The following VPS45 variants were observed in gnomAD, a reference collection of about 807,000 sequenced individuals.
The protein encoded by VPS45 is vacuolar protein sorting 45 homolog, also known as vacuolar protein sorting-associated protein 45.
Under a neutral mutation model 75.9 loss-of-function variants are expected in VPS45, and 35 were observed. The ratio of observed to expected loss-of-function variants is 0.46; its 90% CI spans 0.35 to 0.61. VPS45 has a LOEUF of 0.61. VPS45 is among the 20% of genes least tolerant of loss of function. The pLI is 0.00. For synonymous variants in VPS45, 220 were observed against 238.2 expected, an observed-to-expected ratio of 0.92 and a Z score of 0.70; for missense variants, 559 against 685.9, an observed-to-expected ratio of 0.81 and a Z score of 2.07.
At chr1:150,101,133 G>C (rs1015689030) in intron 13 of VPS45, among the ~76,000 whole-genome samples, 2 of 152,058 alleles carry the variant, frequency 1.3e-5, no homozygotes, top group Non-Finnish European at 2.9e-5. Flanking sequence ...AGCCACGAGT[G>C]GTGGCTGGCA....
intron 14 of VPS45, among the ~76,000 whole-genome samples, chr1:150,117,971 T>G (rs144504734): frequency 1.3e-5 from 2 of 152,224 alleles, no homozygotes; most frequent in East Asian, 3.9e-4. Context: ...TAGATGTGTT[T>G]GACTAATTAA....
intron 13 of VPS45, chr1:150,099,147 G>A (rs1656827606): frequency 3.5e-6 from 3 of 865,330 alleles, no homozygotes; most frequent in African/African-American, 1.8e-5. Flanking sequence ...ATAAAATGTT[G>A]CCTTTTGAAA....
intron 11 of VPS45, 86 bp from the exon 12 acceptor site, chr1:150,092,216 T>C: frequency 6.5e-7 from 1 of 1,530,834 alleles, no homozygotes; most frequent in Non-Finnish European, 8.9e-7. Context: ...TGTCTTTTCA[T>C]TTTTGTTTCC....
Position 150,068,671 on chromosome 1 carries a change from A to G in VPS45, c.135A>G (p.Leu45=), listed in dbSNP as rs782284311. The G allele has an allele frequency of 1.2e-6, 2 of 1,612,192 alleles. No homozygotes were observed. The highest frequency in any genetic ancestry group is 1.7e-6 in the Non-Finnish European group (2 of 1,179,120). Reference sequence around the variant, plus strand: ...TGGTATACACACAATCGGAGATTCTACAGAAGGAAGTGTACCTCTTTGAAC... The same window carrying G: ...TGGTATACACACAATCGGAGATTCTGCAGAAGGAAGTGTACCTCTTTGAAC... ...VSMVYTQSEI[L]QKEVYLFERI... is the part of the protein sequence containing the mutation. The change falls in exon 2 of 15, where the codon CTA becomes CTG. Residue 45 remains leucine, a synonymous_variant. Coordinates refer to ENST00000644510, the MANE Select transcript of VPS45 (RefSeq NM_007259.5).
chr1:150,139,620 T>C (rs1659279579), intron 14 of VPS45, among the ~76,000 whole-genome samples: 1 of 152,146 alleles, frequency 6.6e-6, no homozygotes, highest in Admixed American at 6.5e-5. Flanking sequence ...TGATCATAGC[T>C]CACTGCAGTC....
chr1:150,096,064 T>A, intron 13 of VPS45, among the ~76,000 whole-genome samples: 1 of 152,192 alleles, frequency 6.6e-6, no homozygotes, highest in Non-Finnish European at 1.5e-5. Context: ...CACAGATTTA[T>A]GGAACAAGGG....
intron 2 of VPS45, among the ~76,000 whole-genome samples, chr1:150,069,459 CTTTTTT>C (rs10707595): frequency 7.8e-6 from 1 of 128,136 alleles, no homozygotes; most frequent in Non-Finnish European, 1.6e-5. Context: ...ATTTGTTACA[CTTTTTT>C]TTTTTTTTTG....
chr1:150,132,515 A>T (rs1228204042), intron 14 of VPS45, among the ~76,000 whole-genome samples: 2 of 152,202 alleles, frequency 1.3e-5, no homozygotes, highest in Non-Finnish European at 2.9e-5. Flanking sequence ...ATTATATTCA[A>T]CACAGCCCTG....
At chr1:150,119,353 A>G (rs1302449316) in intron 14 of VPS45, among the ~76,000 whole-genome samples, 1 of 152,184 alleles carries the variant, frequency 6.6e-6, no homozygotes, top group East Asian at 1.9e-4. Context: ...TATGGAGGAG[A>G]AAACATTGAA....
At chr1:150,085,885 AAG>A (rs1358496020) in intron 10 of VPS45, among the ~76,000 whole-genome samples, 1 of 152,146 alleles carries the variant, frequency 6.6e-6, no homozygotes, top group Non-Finnish European at 1.5e-5. Flanking sequence ...ATATCCTCAG[AAG>A]AGATTTATTA....
At chr1:150,079,059 C>T (rs147483106) in intron 7 of VPS45, among the ~76,000 whole-genome samples, 185 of 142,550 alleles carry the variant, frequency 1.3e-3, no homozygotes, top group African/African-American at 4.6e-3. Flanking sequence ...TGCAGTGAAC[C>T]GAGATCATGC....
At chr1:150,109,505 T>A (rs1172206325) in intron 13 of VPS45, 6 of 152,114 alleles carry the variant, frequency 3.9e-5, no homozygotes, top group African/African-American at 1.4e-4. Context: ...AATGTAGGGT[T>A]GGGGTTTTTT....
intron 10 of VPS45, among the ~76,000 whole-genome samples, chr1:150,084,424 T>G (rs72692901): frequency 6.6e-6 from 1 of 152,008 alleles, no homozygotes; most frequent in Non-Finnish European, 1.5e-5. Context: ...AGCAAGGGGC[T>G]GAACTGAAAA....
chr1:150,125,302 T>C (rs1299938054), intron 14 of VPS45, among the ~76,000 whole-genome samples: 1 of 149,766 alleles, frequency 6.7e-6, no homozygotes, highest in Non-Finnish European at 1.5e-5. Context: ...TCTTCTTTTT[T>C]CTGTATTGGA....
Position 150,125,082 on chromosome 1 carries a change from G to C in VPS45, c.1625+14455G>C, listed in dbSNP as rs192344740. 6.0e-5 allele frequency among the ~76,000 whole-genome samples: 9 copies of C among 150,626 alleles called. No individual in the cohort carries two copies. In the East Asian group the frequency reaches 1.7e-3, roughly 29 times the overall value. ...TAGGTTGTTTACATTTTTTTCACCA[G>C]CATATTCAGCTGCAAGTTTACTTTT... is the stretch of plus-strand genomic sequence containing the variant. On this transcript the variant is annotated intron_variant, in intron 14 of 14. Coordinates refer to ENST00000644510, the MANE Select transcript of VPS45 (RefSeq NM_007259.5).
At chr1:150,112,819 G>A (rs1433758935) in intron 14 of VPS45, among the ~76,000 whole-genome samples, 3 of 152,114 alleles carry the variant, frequency 2.0e-5, no homozygotes, top group African/African-American at 7.2e-5. Flanking sequence ...TACTAGAACA[G>A]TTCACACAAC....
chr1:150,137,823 G>T (rs1167925895), intron 14 of VPS45, among the ~76,000 whole-genome samples: 2 of 147,782 alleles, frequency 1.4e-5, no homozygotes, highest in African/African-American at 5.0e-5. Flanking sequence ...GCTGAGGCAG[G>T]AGAATTGCTT....
At chr1:150,095,422 G>A (rs1656566611) in intron 13 of VPS45, among the ~76,000 whole-genome samples, 3 of 152,152 alleles carry the variant, frequency 2.0e-5, no homozygotes, top group Non-Finnish European at 4.4e-5. Context: ...GAACCAGGCT[G>A]GCCAACATGG....
At chr1:150,117,456 A>T (rs587774112) in intron 14 of VPS45, among the ~76,000 whole-genome samples, 1 of 152,086 alleles carries the variant, frequency 6.6e-6, no homozygotes, top group Non-Finnish European at 1.5e-5. Context: ...TGGGAGGCGG[A>T]GGTTGCAGTG....
Sources: gnomAD v4.1 joint callset for allele counts (sites outside exome capture counted in the v4.1 genomes callset) on GRCh38, gnomAD v4.1.1 for gene constraint, MANE v1.5 for transcripts, NCBI Gene and HGNC (gene_info 2026-07-23, HGNC 2026-07-21) for gene names.